EEA1: variants seen among roughly 807,000 people sequenced by gnomAD.
The protein encoded by EEA1 is early endosome antigen 1, 162kD.
A neutral mutation model predicts 209.2 loss-of-function variants in EEA1; 111 were observed. The observed-to-expected ratio is 0.53, with a 90% confidence interval of 0.45 to 0.62. The LOEUF (loss-of-function observed/expected upper bound fraction) is 0.62, where lower values mean the gene tolerates loss of function less well. Ranked by LOEUF, EEA1 falls within the 20% of genes least tolerant of loss-of-function variation. The pLI is 0.00. For synonymous variants in EEA1, 536 were observed against 540.6 expected (o/e 0.99, Z 0.12); for missense variants, 1,343 against 1,530.8 (o/e 0.88, Z 2.05).
chr12:92,820,087 C>A (rs762480140), intron 13 of EEA1, among the ~76,000 whole-genome samples: 32 of 152,280 alleles, frequency 2.1e-4, no homozygotes, highest in Non-Finnish European at 2.8e-4. Flanking sequence ...TTATCTGCCT[C>A]ACTCCAACCA....
Position 92,802,407 on chromosome 12 carries a change from G to A in EEA1, c.2667C>T (p.Asp889=), listed in dbSNP as rs1874962916. 1 of 1,568,228 alleles carries A rather than the reference G, an allele frequency of 6.4e-7. No homozygotes were observed. Among genetic ancestry groups the A allele is most frequent in the Non-Finnish European group, 8.6e-7 (1 of 1,167,896 alleles). ...AAAGTAAATGTAAACTACTAACCAA[G>A]TCTAATATAGCGGCTTTTCCTTTCT... is the stretch of plus-strand genomic sequence containing the variant. ...ENQKGKAAIL[D]LEKTCKELKH... is the part of the protein sequence containing the mutation. Residue 889 remains aspartate (D), a synonymous_variant, in exon 19 of 29, where the codon GAC becomes GAT. Coordinates refer to ENST00000322349, the MANE Select transcript of EEA1 (RefSeq NM_003566.4).
intron 3 of EEA1, chr12:92,859,025 C>A: frequency 1.5e-6 from 1 of 687,166 alleles, no homozygotes; most frequent in South Asian, 1.8e-5. Context: ...CTGTGCAGAA[C>A]GGTTCTTGTT....
At chr12:92,861,300 A>C (rs1878134745) in intron 3 of EEA1, among the ~76,000 whole-genome samples, 1 of 152,190 alleles carries the variant, frequency 6.6e-6, no homozygotes, top group Non-Finnish European at 1.5e-5. Flanking sequence ...TACTAAAAAT[A>C]CAAAATTAGC....
chr12:92,825,253 C>T (rs1876236937), intron 13 of EEA1, among the ~76,000 whole-genome samples: 1 of 152,110 alleles, frequency 6.6e-6, no homozygotes, highest in South Asian at 2.1e-4. Context: ...AGATCGAGAC[C>T]ATCCTGGCTA....
At position 92,929,124 on chromosome 12, in the gene EEA1, T is replaced by C; in HGVS notation, c.-58A>G. 7.0e-7 allele frequency: 1 copy of C among 1,423,392 alleles called. No individual in the cohort carries two copies. Among genetic ancestry groups the C allele is most frequent in the Non-Finnish European group, 9.7e-7 (1 of 1,035,340 alleles). 88.2% of individuals were successfully genotyped at this position (1,423,392 alleles called of 1,614,324 possible). ...CTCTCCAGACCCTGCGCGGGGCCAC[T>C]CACTACTCGGGGTGCGCGGGCGGGA... On this transcript the variant is annotated 5_prime_UTR_variant, in exon 1 of 29. Transcript: ENST00000322349.
intron 2 of EEA1, among the ~76,000 whole-genome samples, chr12:92,880,700 C>T (rs1025432178): frequency 6.6e-6 from 1 of 152,140 alleles, no homozygotes; most frequent in African/African-American, 2.4e-5. Flanking sequence ...TGGTCTCGAT[C>T]TCCTGACCTC....
At chr12:92,823,065 A>G (rs1876130582) in intron 13 of EEA1, among the ~76,000 whole-genome samples, 1 of 152,214 alleles carries the variant, frequency 6.6e-6, no homozygotes, top group Admixed American at 6.5e-5. Flanking sequence ...TATGACTTCA[A>G]CAACTGCTTG....
chr12:92,886,911 T>C (rs1014614948), intron 2 of EEA1, among the ~76,000 whole-genome samples: 42 of 151,650 alleles, frequency 2.8e-4, no homozygotes, highest in African/African-American at 9.7e-4. Flanking sequence ...GACAGGAGAA[T>C]GGCATGAGCC....
chr12:92,863,012 T>C (rs1878219352), intron 3 of EEA1, among the ~76,000 whole-genome samples: 1 of 152,208 alleles, frequency 6.6e-6, no homozygotes, highest in African/African-American at 2.4e-5. Flanking sequence ...GAGATAATTC[T>C]AGGTTGGAGA....
chr12:92,828,897 C>T (rs1251602512), intron 11 of EEA1, among the ~76,000 whole-genome samples: 1 of 152,084 alleles, frequency 6.6e-6, no homozygotes, highest in African/African-American at 2.4e-5. Flanking sequence ...CTCTCTAACA[C>T]AAAGATTTCC....
intron 11 of EEA1, among the ~76,000 whole-genome samples, chr12:92,831,823 C>T (rs1168932558): frequency 6.6e-5 from 10 of 151,664 alleles, no homozygotes; most frequent in African/African-American, 1.4e-4. Flanking sequence ...CGGTGGCTCA[C>T]GCCTGTAATC....
intron 2 of EEA1, among the ~76,000 whole-genome samples, chr12:92,865,996 G>A (rs546388796): frequency 4.6e-5 from 7 of 151,566 alleles, no homozygotes; most frequent in South Asian, 2.1e-4. Context: ...TGATCCACCC[G>A]CCTCGGCCTC....
At position 92,787,882 on chromosome 12, in the gene EEA1, G is replaced by A; in HGVS notation, c.3135C>T (p.Thr1045=). The A allele has an allele frequency of 6.2e-7, 1 of 1,607,128 alleles. No individual in the cohort carries two copies. Among genetic ancestry groups the A allele is most frequent in the Non-Finnish European group, 8.5e-7 (1 of 1,177,148 alleles). The change falls in exon 22 of 29, where the codon ACC becomes ACT. Residue 1045 remains threonine, a synonymous_variant. Transcript: ENST00000322349. The stretch of plus-strand genomic sequence containing the variant: ...TTTACTATACCTTAAGATCTTGCCT[G>A]GTGGCTAGAAGTTCAGATTCCCTCC... The part of the protein sequence containing the change: ...FYGRESELLA[T]RQDLKSVEEK...
chr12:92,861,974 C>T (rs571508149), intron 3 of EEA1, among the ~76,000 whole-genome samples: 1 of 152,220 alleles, frequency 6.6e-6, no homozygotes, highest in African/African-American at 2.4e-5. Flanking sequence ...TAAAAAAGCT[C>T]ACTAATGCAT....
rs1873387178 is a variant in EEA1, at chr12:92,770,688, CT to C, written c.*5322del. 6.6e-6 allele frequency: 1 copy of C among 152,492 alleles called. No homozygotes were observed. The highest frequency in any genetic ancestry group is 1.5e-5 in the Non-Finnish European group (1 of 68,338). 9.4% of individuals were successfully genotyped at this position (152,492 alleles called of 1,614,324 possible). On this transcript the variant is annotated 3_prime_UTR_variant, in exon 29 of 29. Transcript: ENST00000322349. ...TCTTTAGATACAAAGCTTGATTGTT[CT>C]TTTAATATACAAAGCAATAAATAGG...
chr12:92,926,284 C>T (rs1881212206), intron 1 of EEA1, among the ~76,000 whole-genome samples: 1 of 151,582 alleles, frequency 6.6e-6, no homozygotes, highest in African/African-American at 2.4e-5. Context: ...TGAGCCACTG[C>T]ACCCAGCCAA....
Position 92,852,241 on chromosome 12 carries a change from T to G in EEA1, c.576A>C (p.Lys192Asn), listed in dbSNP as rs766959691. The part of the protein sequence containing the change: ...ERSLREAAEQ[K>N]VTRLTEELNK... ...TTAATTCTTCTGTCAGACGTGTCAC[T>G]TTTTGTTCAGCAGCTTCTCGAAGAC... The change falls in exon 8 of 29, where the codon AAA becomes AAC. Residue 192 changes from lysine to asparagine, a missense_variant. By Grantham distance (94) the Lys-to-Asn change is moderately conservative. This residue lies in a region of EEA1 where 1,307 missense variants were observed against 1,465.5 expected (regional missense o/e 0.89). Transcript: ENST00000322349. The G allele has an allele frequency of 6.9e-6, 11 of 1,603,008 alleles. No homozygotes were observed. In the Admixed American group the frequency reaches 1.4e-4, roughly 20 times the overall value.
chr12:92,818,539 A>G (rs1875903267), intron 14 of EEA1, among the ~76,000 whole-genome samples: 1 of 152,198 alleles, frequency 6.6e-6, no homozygotes, highest in South Asian at 2.1e-4. Flanking sequence ...TTATATGATA[A>G]GCAACATCAA....
intron 21 of EEA1, among the ~76,000 whole-genome samples, chr12:92,791,326 G>T (rs1236879626): frequency 4.6e-5 from 7 of 152,096 alleles, no homozygotes; most frequent in Non-Finnish European, 8.8e-5. Flanking sequence ...GACACAGACT[G>T]GCAAATTGGA....
Sources: gnomAD v4.1 joint callset for allele counts (sites outside exome capture counted in the v4.1 genomes callset) on GRCh38, gnomAD v4.1.1 for gene constraint, gnomAD v4.1.1 regional missense constraint, MANE v1.5 for transcripts, NCBI Gene and HGNC (gene_info 2026-07-23, HGNC 2026-07-21) for gene names.